CSPG5: variants seen among roughly 807,000 people sequenced by gnomAD.
CSPG5 encodes the protein chondroitin sulfate proteoglycan 5.
In CSPG5, 25 loss-of-function variants were observed where a neutral mutation model predicts 39.8. The observed-to-expected ratio is 0.63, with a 90% CI of 0.46 to 0.88. The LOEUF is 0.88. Among genes scored for constraint, CSPG5 ranks in the 40% least tolerant of loss-of-function variants. The pLI is 0.00. For missense variants in CSPG5, 627 were observed against 702.2 expected, an observed-to-expected ratio of 0.89 and a Z score of 1.21; for synonymous variants, 295 against 303.9, an observed-to-expected ratio of 0.97 and a Z score of 0.31.
Position 47,562,263 on chromosome 3 carries a change from AG to A in CSPG5, c.*336del, listed in dbSNP as rs2031103631. The A allele has an allele frequency of 5.3e-6, 1 of 189,320 alleles. No individual in the cohort carries two copies. The highest frequency in any genetic ancestry group is 1.1e-5 in the Non-Finnish European group (1 of 93,644). 11.7% of individuals were successfully genotyped at this position (189,320 alleles called of 1,614,324 possible). The stretch of plus-strand genomic sequence containing the variant: ...TAACTTTTTAAAAAGTTTTATTTCA[AG>A]AACTTTGTTTTTTACTGGTATTTCA... On this transcript the variant is annotated 3_prime_UTR_variant, in exon 5 of 5. Coordinates refer to ENST00000264723, the MANE Select transcript of CSPG5 (RefSeq NM_006574.4).
intron 2 of CSPG5, among the ~76,000 whole-genome samples, chr3:47,573,486 G>A (rs1337785297): frequency 6.6e-6 from 1 of 152,144 alleles, no homozygotes; most frequent in Non-Finnish European, 1.5e-5. Context: ...CCCTATCCTA[G>A]TACTATGAGA....
In CSPG5 at chr3:47,562,589, C is replaced by T. The variant is rs1470293772; in HGVS notation, c.*11G>A. ...ACCCACTACCCCCGCTTCCTCTCTT[C>T]TTGCTCTGCTTTAGGTTAAATTATT... On this transcript the variant is annotated 3_prime_UTR_variant, in exon 5 of 5. Transcript: ENST00000264723. 1.3e-6 allele frequency: 2 copies of T among 1,592,852 alleles called. No homozygotes were observed. The highest frequency in any genetic ancestry group is 1.7e-5 in the Admixed American group (1 of 59,306).
chr3:47,576,879 T>A lies in CSPG5; in HGVS notation c.1147A>T (p.Asn383Tyr). 6.3e-7 allele frequency: 1 copy of A among 1,591,838 alleles called. No homozygotes were observed. Among genetic ancestry groups the A allele is most frequent in the Non-Finnish European group, 8.6e-7 (1 of 1,166,764 alleles). ...VCDLFPSYCH[N>Y]GGQCYLVENI... is the part of the protein sequence containing the mutation. ...TCCACCAGGTAGCACTGGCCGCCAT[T>A]GTGACAGTAACTTGGGAAGAGGTCG... The change falls in exon 2 of 5, where the codon AAT becomes TAT. Residue 383 changes from asparagine to tyrosine, a missense_variant. Transcript: ENST00000264723.
chr3:47,577,728 A>T lies in CSPG5; in HGVS notation c.298T>A (p.Trp100Arg), dbSNP rs374688213. The change falls in exon 2 of 5, where the codon TGG (tryptophan) becomes AGG (arginine). Residue 100 changes from tryptophan (W) to arginine (R), a missense_variant. Physicochemically the swap from Trp to Arg is moderately radical, Grantham distance 101. Coordinates refer to ENST00000264723, the MANE Select transcript of CSPG5 (RefSeq NM_006574.4). The surrounding 1 kb of genome is among the most constrained non-coding windows in gnomAD (Gnocchi z 4.7). ...QESAAVTGTAWLEADSPGLGG... is the reference protein window; with the variant it reads ...QESAAVTGTARLEADSPGLGG... ...AGGCCTGGGCTGTCAGCTTCCAGCC[A>T]GGCGGTGCCGGTCACCGCAGCCGAC... 1 of 1,579,114 alleles carries T rather than the reference A, an allele frequency of 6.3e-7. No homozygotes were observed. Among genetic ancestry groups the T allele is most frequent in the Non-Finnish European group, 8.6e-7 (1 of 1,168,076 alleles).
At position 47,578,637 on chromosome 3, in the gene CSPG5, A is replaced by G; in HGVS notation, c.57T>C (p.Phe19=). The part of the protein sequence containing the change: ...PGRGPPPLLL[F]LGAALVLASG... ...AGGCCAGGACCAGCGCGGCCCCCAG[A>G]AACAGCAGCAGTGGCGGCGGCCCCC... is the stretch of plus-strand genomic sequence containing the variant. The change falls in exon 1 of 5, where the codon TTT becomes TTC. Residue 19 remains phenylalanine, a synonymous_variant. Transcript: ENST00000264723. This position sits in a 1 kb window ranked among gnomAD's most constrained non-coding sequence, Gnocchi z 6.0. 8.7e-7 allele frequency: 1 copy of G among 1,154,106 alleles called. No homozygotes were observed. The highest frequency in any genetic ancestry group is 1.1e-6 in the Non-Finnish European group (1 of 936,646). The allele number at this position is 1,154,106 out of a possible 1,614,324, so 71.5% of individuals were successfully genotyped here. A position where few individuals can be genotyped will look rare whatever the true frequency, so the allele number is the denominator to read the frequency against.
intron 4 of CSPG5, among the ~76,000 whole-genome samples, chr3:47,566,798 T>C (rs183553310): frequency 6.6e-6 from 1 of 152,238 alleles, no homozygotes; most frequent in Admixed American, 6.5e-5. Context: ...CATCACCCTG[T>C]CTCAGGCAGA....
At chr3:47,568,069 G>A (rs967700749) in intron 4 of CSPG5, among the ~76,000 whole-genome samples, 1 of 152,284 alleles carries the variant, frequency 6.6e-6, no homozygotes, top group South Asian at 2.1e-4. Context: ...GACCGTATTG[G>A]TCTAGAGTGC....
intron 4 of CSPG5, among the ~76,000 whole-genome samples, chr3:47,563,804 T>C (rs1320732036): frequency 6.6e-6 from 1 of 152,160 alleles, no homozygotes; most frequent in Non-Finnish European, 1.5e-5. Flanking sequence ...TCCACCCACC[T>C]CGGCCTCCCA....
chr3:47,574,042 C>A (rs746512412), intron 2 of CSPG5, among the ~76,000 whole-genome samples: 1 of 152,116 alleles, frequency 6.6e-6, no homozygotes, highest in Admixed American at 6.5e-5. Context: ...GTTTTCAAGC[C>A]GTGGCCAGGC....
rs1056440070 is a variant in CSPG5, at chr3:47,572,350, G to A, written c.1382+336C>T. 6.6e-6 allele frequency among the ~76,000 whole-genome samples: 1 copy of A among 152,210 alleles called. No homozygotes were observed. The highest frequency in any genetic ancestry group is 1.5e-5 in the Non-Finnish European group (1 of 68,040). On this transcript the variant is annotated intron_variant, in intron 3 of 4. Coordinates refer to ENST00000264723, the MANE Select transcript of CSPG5 (RefSeq NM_006574.4). The surrounding 1 kb of genome is among the most constrained non-coding windows in gnomAD (Gnocchi z 4.5). Reference sequence around the variant, plus strand: ...GAAGGGTCTATCAGGCAGGTGGGCAGACTGAGTAACTTACCTGGGGACTAG... The same window carrying A: ...GAAGGGTCTATCAGGCAGGTGGGCAAACTGAGTAACTTACCTGGGGACTAG...
rs774864735 is a variant in CSPG5 at position 47,575,145 on chromosome 3, G to A, written c.1193+1688C>T. Among the ~76,000 whole-genome samples the A allele has an allele frequency of 3.3e-5, 5 of 152,160 alleles. No homozygotes were observed. In the South Asian group the frequency reaches 1.0e-3, roughly 32 times the overall value. Reference sequence around the variant, plus strand: ...TGACACTTGAAAAAGAGATACCCTGGCCGGGCGTGGTGGCTCACGCCTGTA... The same window carrying A: ...TGACACTTGAAAAAGAGATACCCTGACCGGGCGTGGTGGCTCACGCCTGTA... On this transcript the variant is annotated intron_variant, in intron 2 of 4. Transcript: ENST00000264723.
chr3:47,565,681 GA>G (rs11330263), intron 4 of CSPG5, among the ~76,000 whole-genome samples: 47,592 of 134,092 alleles, frequency 0.35, 7,935 homozygotes, highest in Admixed American at 0.49. Context: ...AGTTAAATAG[GA>G]AAAAAAAAAA....
At chr3:47,568,216 G>A (rs1304365921) in intron 4 of CSPG5, among the ~76,000 whole-genome samples, 2 of 152,188 alleles carry the variant, frequency 1.3e-5, no homozygotes, top group East Asian at 3.8e-4. Context: ...GTGTAAAAAT[G>A]CATTTATCTT....
Position 47,572,917 on chromosome 3 carries a change from G to A in CSPG5, c.1194-43C>T, listed in dbSNP as rs1163805387. On this transcript the variant is annotated intron_variant, in intron 2 of 4. Transcript: ENST00000264723. This position sits in a 1 kb window ranked among gnomAD's most constrained non-coding sequence, Gnocchi z 4.5. Reference sequence around the variant, plus strand: ...AGAAACCGTGGCGATGGAGCAGGCAGCCACGGCCACAGTAAGGGCCTGGGC... The same window carrying A: ...AGAAACCGTGGCGATGGAGCAGGCAACCACGGCCACAGTAAGGGCCTGGGC... 1.3e-6 allele frequency: 2 copies of A among 1,574,732 alleles called. No homozygotes were observed. The highest frequency in any genetic ancestry group is 1.7e-6 in the Non-Finnish European group (2 of 1,153,712).
chr3:47,568,886 G>A (rs62260751), intron 4 of CSPG5, among the ~76,000 whole-genome samples: 6,818 of 152,056 alleles, frequency 0.045, 221 homozygotes, highest in Non-Finnish European at 0.069. Context: ...CTTTTGTATC[G>A]AAAATTCTGC....
At chr3:47,579,619 G>C (rs1385366311), upstream of CSPG5, 3 of 152,238 alleles carry the variant, frequency 2.0e-5, no homozygotes, top group Non-Finnish European at 2.9e-5. This position sits in a 1 kb window ranked among gnomAD's most constrained non-coding sequence, Gnocchi z 4.2. Context: ...CTTTAATCCT[G>C]GTCCCTTCTC....
chr3:47,571,365 G>C (rs1409681005), intron 3 of CSPG5, among the ~76,000 whole-genome samples: 1 of 152,216 alleles, frequency 6.6e-6, no homozygotes, highest in Non-Finnish European at 1.5e-5. Context: ...CTCAGCTCTT[G>C]CTTCTCCACT....
intron 4 of CSPG5, among the ~76,000 whole-genome samples, chr3:47,568,471 G>A (rs1192059683): frequency 6.6e-6 from 1 of 152,180 alleles, no homozygotes; most frequent in Non-Finnish European, 1.5e-5. Context: ...TTAAGGCTCT[G>A]CCAGTGTTTT....
Position 47,578,032 on chromosome 3 carries a change from C to T in CSPG5, c.98-104G>A. On this transcript the variant is annotated intron_variant, in intron 1 of 4. Coordinates refer to ENST00000264723, the MANE Select transcript of CSPG5 (RefSeq NM_006574.4). The surrounding 1 kb of genome is among the most constrained non-coding windows in gnomAD (Gnocchi z 6.0). ...GCCCGCTCGCCTAGACCTGGTCAAC[C>T]CAGACCTCGCCACCCTCAGACCCCA... 1 of 1,326,286 alleles carries T rather than the reference C, an allele frequency of 7.5e-7. No homozygotes were observed. Among genetic ancestry groups the T allele is most frequent in the East Asian group, 3.1e-5 (1 of 32,230 alleles). The allele number at this position is 1,326,286 out of a possible 1,614,324, so 82.2% of individuals were successfully genotyped here.
Sources: gnomAD v4.1 joint callset for allele counts (sites outside exome capture counted in the v4.1 genomes callset) on GRCh38, gnomAD v4.1.1 for gene constraint, Gnocchi (gnomAD v3.1) non-coding constraint, MANE v1.5 for transcripts, NCBI Gene and HGNC (gene_info 2026-07-23, HGNC 2026-07-21) for gene names.